The following TRPM7 variants were observed in gnomAD, a reference collection of about 807,000 sequenced individuals.
The protein encoded by TRPM7 is LTRPC ion channel family member 7.
A neutral mutation model predicts 229.7 loss-of-function variants in TRPM7; 134 were observed. The ratio of observed to expected loss-of-function variants is 0.58; its 90% CI spans 0.51 to 0.67. The LOEUF (loss-of-function observed/expected upper bound fraction) is 0.67. Among genes scored for constraint, TRPM7 ranks in the 30% least tolerant of loss-of-function variants. The pLI, the probability that TRPM7 is intolerant of heterozygous loss-of-function variation, is 0.00. For synonymous variants in TRPM7, 699 were observed against 715.2 expected, an observed-to-expected ratio of 0.98 and a Z score of 0.36; for missense variants, 1,901 against 2,210.0, an observed-to-expected ratio of 0.86 and a Z score of 2.80.
chr15:50,615,140 G>A (rs188002292), intron 13 of TRPM7, among the ~76,000 whole-genome samples: 1 of 136,526 alleles, frequency 7.3e-6, no homozygotes, highest in East Asian at 2.1e-4. Flanking sequence ...TCCAGCCTGA[G>A]CGACAAGAGC....
At position 50,592,743 on chromosome 15, in the gene TRPM7, T is replaced by A. The variant is rs2059537964; in HGVS notation, c.3609-117A>T. 6 of 684,346 alleles carry A rather than the reference T, an allele frequency of 8.8e-6. No homozygotes were observed. The South Asian group carries it at 1.3e-4, about 15-fold the overall frequency. The allele number at this position is 684,346 out of a possible 1,614,324, so 42.4% of individuals were successfully genotyped here. On this transcript the variant is annotated intron_variant, in intron 25 of 38. Coordinates refer to ENST00000646667, the MANE Select transcript of TRPM7 (RefSeq NM_017672.6). ...AAATTTCACATGCATTTAAACAAGA[T>A]ATAAAATAAGGTACAGTTATTTAAT...
chr15:50,650,538 T>G (rs374273162), intron 3 of TRPM7, among the ~76,000 whole-genome samples: 1 of 151,038 alleles, frequency 6.6e-6, no homozygotes, highest in Admixed American at 6.6e-5. Flanking sequence ...CTCCTAAAAA[T>G]ATAAAAATTA....
At chr15:50,656,168 C>T (rs557394554) in intron 3 of TRPM7, among the ~76,000 whole-genome samples, 1 of 150,764 alleles carries the variant, frequency 6.6e-6, no homozygotes, top group African/African-American at 2.4e-5. Context: ...ATATGAAATG[C>T]TAAATAAAAG....
chr15:50,573,450 A>T (rs1401954336), intron 36 of TRPM7, among the ~76,000 whole-genome samples: 2 of 152,248 alleles, frequency 1.3e-5, no homozygotes, highest in African/African-American at 2.4e-5. Flanking sequence ...ATTTGACTCC[A>T]GTCAAGCTGT....
chr15:50,676,254 T>C (rs550431203), intron 1 of TRPM7, among the ~76,000 whole-genome samples: 2 of 152,118 alleles, frequency 1.3e-5, no homozygotes, highest in African/African-American at 2.4e-5. Context: ...GGGGAAAAAA[T>C]TAAAGATTCC....
intron 1 of TRPM7, among the ~76,000 whole-genome samples, chr15:50,682,284 CA>C (rs2062259407): frequency 6.7e-6 from 1 of 150,336 alleles, no homozygotes; most frequent in African/African-American, 2.4e-5. Context: ...ATTCCTTTAA[CA>C]GGGTTCTAAA....
At chr15:50,658,608 C>G (rs1019252899) in intron 2 of TRPM7, among the ~76,000 whole-genome samples, 8 of 150,576 alleles carry the variant, frequency 5.3e-5, no homozygotes, top group African/African-American at 2.0e-4. Flanking sequence ...GGCAAGAATA[C>G]AGAGAGAGTC....
chr15:50,620,793 G>A (rs2060374009), intron 12 of TRPM7, among the ~76,000 whole-genome samples: 1 of 151,870 alleles, frequency 6.6e-6, no homozygotes, highest in Non-Finnish European at 1.5e-5. Flanking sequence ...TTAGCCGGGT[G>A]TGGTGGCACA....
Position 50,648,733 on chromosome 15 carries a change from T to A in TRPM7, c.275A>T (p.Tyr92Phe), listed in dbSNP as rs770940423. 3 of 1,612,736 alleles carry A rather than the reference T, an allele frequency of 1.9e-6. No homozygotes were observed. The highest frequency in any genetic ancestry group is 2.5e-6 in the Non-Finnish European group (3 of 1,179,250). ...KHTEQSPTDA[Y>F]GVINFQGGSH... ...ACCCCCTTGAAAATTTATGACTCCA[T>A]AAGCATCCGTTGGGCTCTGTTCTGT... The change falls in exon 4 of 39, where the codon TAT becomes TTT. Residue 92 changes from tyrosine to phenylalanine, a missense_variant. Physicochemically the swap from Tyr to Phe is conservative, Grantham distance 22 (BLOSUM62 3). Coordinates refer to ENST00000646667, the MANE Select transcript of TRPM7 (RefSeq NM_017672.6).
At chr15:50,683,726 A>T (rs919692926) in intron 1 of TRPM7, among the ~76,000 whole-genome samples, 1 of 152,196 alleles carries the variant, frequency 6.6e-6, no homozygotes, top group Non-Finnish European at 1.5e-5. Context: ...TTCCAAAAAA[A>T]ACAAAATAAA....
intron 8 of TRPM7, among the ~76,000 whole-genome samples, chr15:50,633,365 AC>A (rs2060794075): frequency 1.3e-5 from 2 of 152,192 alleles, no homozygotes; most frequent in African/African-American, 4.8e-5. Context: ...AATACTTAAT[AC>A]ATTTTCATGG....
At position 50,561,827 on chromosome 15, in the gene TRPM7, A is replaced by T; in HGVS notation, c.5468-19T>A. 1 of 1,494,956 alleles carries T rather than the reference A, an allele frequency of 6.7e-7. No homozygotes were observed. The highest frequency in any genetic ancestry group is 8.9e-7 in the Non-Finnish European group (1 of 1,125,652). 92.6% of individuals were successfully genotyped at this position (1,494,956 alleles called of 1,614,324 possible). A position where few individuals can be genotyped will look rare whatever the true frequency, so the allele number is the denominator to read the frequency against. ...TTCAGATCTACATTGAACACCCACA[A>T]CAATTAAAAAAAAAAAAGAAAGAGA... On this transcript the variant is annotated intron_variant, in intron 38 of 38. Transcript: ENST00000646667.
At chr15:50,645,379 T>C (rs2061233293) in intron 4 of TRPM7, among the ~76,000 whole-genome samples, 1 of 150,930 alleles carries the variant, frequency 6.6e-6, no homozygotes, top group Non-Finnish European at 1.5e-5. Context: ...CTTTTTTTTT[T>C]GACAAAGTCC....
chr15:50,665,814 G>A (rs902104619), intron 1 of TRPM7, among the ~76,000 whole-genome samples: 11 of 152,108 alleles, frequency 7.2e-5, no homozygotes, highest in Admixed American at 2.0e-4. Context: ...GACCAACATG[G>A]TGAAAACCGT....
chr15:50,574,826 A>G (rs1385474827), intron 34 of TRPM7, 26 bp downstream of exon 34: 2 of 1,596,390 alleles, frequency 1.3e-6, no homozygotes, highest in Non-Finnish European at 1.7e-6. Context: ...ATTATGTTCC[A>G]CTATTAAATA....
chr15:50,589,438 A>G (rs17645499), intron 27 of TRPM7, among the ~76,000 whole-genome samples, 154 bp downstream of exon 27: 27,684 of 152,094 alleles, frequency 0.18, 3,256 homozygotes, highest in East Asian at 0.46. Flanking sequence ...CATTTTTTCA[A>G]ACTGAGGACA....
intron 2 of TRPM7, among the ~76,000 whole-genome samples, chr15:50,659,340 C>T (rs1294178719): frequency 2.0e-5 from 3 of 152,054 alleles, no homozygotes; most frequent in Non-Finnish European, 4.4e-5. Context: ...GAAGACATTC[C>T]AAGGAATGGA....
chr15:50,594,323 A>G (rs2059582837), intron 24 of TRPM7, 106 bp downstream of exon 24: 1 of 1,049,644 alleles, frequency 9.5e-7, no homozygotes, highest in Non-Finnish European at 1.4e-6. Context: ...AATCTACCAT[A>G]ACATTAATCC....
intron 28 of TRPM7, among the ~76,000 whole-genome samples, chr15:50,584,666 G>A (rs974551175): frequency 2.7e-5 from 4 of 150,360 alleles, no homozygotes; most frequent in African/African-American, 4.9e-5. Context: ...TACTCACCCA[G>A]GTGAGCATCT....
Sources: allele counts gnomAD v4.1 joint callset (sites outside exome capture counted in the v4.1 genomes callset), GRCh38; gene constraint gnomAD v4.1.1; transcripts MANE v1.5; gene names NCBI Gene and HGNC (gene_info 2026-07-23, HGNC 2026-07-21).